AGAP1: variants seen among roughly 807,000 people sequenced by gnomAD.
AGAP1 encodes arf-GAP with GTPase, ANK repeat and PH domain-containing protein 1.
A neutral mutation model predicts 105.3 loss-of-function variants in AGAP1; 29 were observed. The ratio of observed to expected loss-of-function variants is 0.28; its 90% CI spans 0.21 to 0.38. The LOEUF (loss-of-function observed/expected upper bound fraction) is 0.38, where lower values mean the gene tolerates loss of function less well. AGAP1 is among the 10% of genes least tolerant of loss of function. The probability of loss-of-function intolerance (pLI) is 1.00; values close to 1 mark genes in which losing one functional copy is unlikely to be tolerated. For missense variants in AGAP1, 998 were observed against 1,165.1 expected, an observed-to-expected ratio of 0.86 and a Z score of 2.09; for synonymous variants, 509 against 485.9, an observed-to-expected ratio of 1.05 and a Z score of -0.63.
rs996383758 is a variant in AGAP1, at chr2:235,774,475, A to G, written c.674-23284A>G. 3 of 416,874 alleles carry G rather than the reference A, an allele frequency of 7.2e-6. No homozygotes were observed. The Middle Eastern group carries it at 1.1e-3, about 148-fold the overall frequency. 25.8% of individuals were successfully genotyped at this position (416,874 alleles called of 1,614,324 possible). On this transcript the variant is annotated intron_variant, in intron 6 of 17. Coordinates refer to ENST00000304032, the MANE Select transcript of AGAP1 (RefSeq NM_001037131.3). ...CAGCGTGGACTTGGGCAAGACCAGT[A>G]GGCTAATGGGAAAATAAGATTCCAA...
rs571569402 is a variant in AGAP1 at position 236,009,203 on chromosome 2, A to G, written c.1646-27358A>G. On this transcript the variant is annotated intron_variant, in intron 13 of 17. Coordinates refer to ENST00000304032, the MANE Select transcript of AGAP1 (RefSeq NM_001037131.3). This position sits in a 1 kb window ranked among gnomAD's most constrained non-coding sequence, Gnocchi z 4.2. ...AAGAAATCCACTGCCTTTTTATAAG[A>G]GAACAGAACATTTACACCGTCTTGT... Among the ~76,000 whole-genome samples the G allele has an allele frequency of 6.6e-6, 1 of 152,384 alleles. No homozygotes were observed. Among genetic ancestry groups the G allele is most frequent in the African/African-American group, 2.4e-5 (1 of 41,600 alleles).
At chr2:235,706,187 A>G (rs2696404) in intron 1 of AGAP1, among the ~76,000 whole-genome samples, 53,647 of 152,024 alleles carry the variant, frequency 0.35, 9,880 homozygotes, top group South Asian at 0.45. Flanking sequence ...AGCCTTGACA[A>G]GCATATGCAT....
rs1187312521 is a variant in AGAP1 at position 236,123,160 on chromosome 2, G to A, written c.2371-759G>A. On this transcript the variant is annotated intron_variant, in intron 17 of 17. Transcript: ENST00000304032. This position sits in a 1 kb window ranked among gnomAD's most constrained non-coding sequence, Gnocchi z 4.6. The stretch of plus-strand genomic sequence containing the variant: ...GTGATGTCGGCCCACGGCAGCCTCT[G>A]CCTCCTAGGCTCAAGCGATCCTCCC... 2.0e-5 allele frequency among the ~76,000 whole-genome samples: 3 copies of A among 152,114 alleles called. No homozygotes were observed. The highest frequency in any genetic ancestry group is 6.6e-5 in the Admixed American group (1 of 15,266).
At chr2:235,895,098 G>A (rs1271202909) in intron 10 of AGAP1, among the ~76,000 whole-genome samples, 3 of 152,198 alleles carry the variant, frequency 2.0e-5, no homozygotes, top group Non-Finnish European at 4.4e-5. Flanking sequence ...TCCCCTGAGT[G>A]TGCAGGCCTG....
rs970966870 is a variant in AGAP1 at position 235,787,226 on chromosome 2, T to C, written c.674-10533T>C. 2.0e-5 allele frequency among the ~76,000 whole-genome samples: 3 copies of C among 152,200 alleles called. No homozygotes were observed. Among genetic ancestry groups the C allele is most frequent in the African/African-American group, 7.2e-5 (3 of 41,450 alleles). On this transcript the variant is annotated intron_variant, in intron 6 of 17. Coordinates refer to ENST00000304032, the MANE Select transcript of AGAP1 (RefSeq NM_001037131.3). This position sits in a 1 kb window ranked among gnomAD's most constrained non-coding sequence, Gnocchi z 4.4. ...ACCCTTGGCTGCTGCTTCCAAACCA[T>C]GTGGGTTTCCTATGTCATGAAAGCT... is the stretch of plus-strand genomic sequence containing the variant.
rs191159128 is a variant in AGAP1, at chr2:235,559,596, C to T, written c.163+64747C>T. Among the ~76,000 whole-genome samples, 2 of 152,284 alleles carry T rather than the reference C, an allele frequency of 1.3e-5. No homozygotes were observed. Among genetic ancestry groups the T allele is most frequent in the East Asian group, 3.9e-4 (2 of 5,178 alleles). On this transcript the variant is annotated intron_variant, in intron 1 of 17. Coordinates refer to ENST00000304032, the MANE Select transcript of AGAP1 (RefSeq NM_001037131.3). The surrounding 1 kb of genome is among the most constrained non-coding windows in gnomAD (Gnocchi z 5.7). ...ATGATCCCTCATCCAGATCCCCAGA[C>T]GTGACCACTGTTATGTGGTTATATG...
At position 235,981,314 on chromosome 2, in the gene AGAP1, C is replaced by CT. The variant is rs1340297706; in HGVS notation, c.1645+12694dup. Among the ~76,000 whole-genome samples, 1 of 151,998 alleles carries CT rather than the reference C, an allele frequency of 6.6e-6. No individual in the cohort carries two copies. Among genetic ancestry groups the CT allele is most frequent in the Non-Finnish European group, 1.5e-5 (1 of 67,986 alleles). On this transcript the variant is annotated intron_variant, in intron 13 of 17. Coordinates refer to ENST00000304032, the MANE Select transcript of AGAP1 (RefSeq NM_001037131.3). This position sits in a 1 kb window ranked among gnomAD's most constrained non-coding sequence, Gnocchi z 5.5. ...CTTTGGCTTGATTATTCATTTGGGTCTTTCTTGCTTTCTTCAGGTAGGAAT... is the reference window on the plus strand; with the variant it reads ...CTTTGGCTTGATTATTCATTTGGGTCTTTTCTTGCTTTCTTCAGGTAGGAAT...
intron 6 of AGAP1, among the ~76,000 whole-genome samples, chr2:235,772,663 C>G (rs1955550727): frequency 6.6e-6 from 1 of 152,222 alleles, no homozygotes; most frequent in South Asian, 2.1e-4. Context: ...TGAAATGTGT[C>G]TGTAGCTTGG....
rs78828469 is a variant in AGAP1, at chr2:236,030,796, A to G, written c.1646-5765A>G. ...GAGAGCGACAGCACAAACTTCTTACACAGTAAACTCAGCGAAGTGTTAAAG... is the reference window on the plus strand; with the variant it reads ...GAGAGCGACAGCACAAACTTCTTACGCAGTAAACTCAGCGAAGTGTTAAAG... On this transcript the variant is annotated intron_variant, in intron 13 of 17. Coordinates refer to ENST00000304032, the MANE Select transcript of AGAP1 (RefSeq NM_001037131.3). Among the ~76,000 whole-genome samples the G allele has an allele frequency of 8.5e-5, 13 of 152,322 alleles. No individual in the cohort carries two copies. The East Asian group carries it at 1.9e-3, about 23-fold the overall frequency.
rs1946017682 is a variant in AGAP1, at chr2:235,608,363, G to A, written c.164-100816G>A. Among the ~76,000 whole-genome samples the A allele has an allele frequency of 6.6e-6, 1 of 152,214 alleles. No individual in the cohort carries two copies. Among genetic ancestry groups the A allele is most frequent in the Non-Finnish European group, 1.5e-5 (1 of 68,040 alleles). On this transcript the variant is annotated intron_variant, in intron 1 of 17. Transcript: ENST00000304032. The surrounding 1 kb of genome is among the most constrained non-coding windows in gnomAD (Gnocchi z 5.4). ...ATCTGGCTCTGGGAGGAAACTCGCTGATTGGAGACTAGCTGAGAGGGCTTG... is the reference window on the plus strand; with the variant it reads ...ATCTGGCTCTGGGAGGAAACTCGCTAATTGGAGACTAGCTGAGAGGGCTTG...
chr2:235,686,634 TA>T lies in AGAP1; in HGVS notation c.164-22544del, dbSNP rs1559350594. ...GTGGAGATATAGATATATATATATATATATATATATAGATATATATATATAT... is the reference window on the plus strand; with the variant it reads ...GTGGAGATATAGATATATATATATATTATATATATAGATATATATATATAT... On this transcript the variant is annotated intron_variant, in intron 1 of 17. Transcript: ENST00000304032. Among the ~76,000 whole-genome samples the T allele has an allele frequency of 1.4e-3, 74 of 51,892 alleles. 2 individuals are homozygous for T. Among genetic ancestry groups the T allele is most frequent in the South Asian group, 8.1e-3 (13 of 1,598 alleles). 34.0% of individuals were successfully genotyped at this position (51,892 alleles called of 152,430 possible).
chr2:236,026,124 C>A (rs1478780938), intron 13 of AGAP1, among the ~76,000 whole-genome samples: 1 of 152,228 alleles, frequency 6.6e-6, no homozygotes, highest in African/African-American at 2.4e-5. Context: ...GGCACCTGCA[C>A]CTGCACCTGT....
At chr2:236,007,043 G>A (rs1368644481) in intron 13 of AGAP1, among the ~76,000 whole-genome samples, 1 of 151,682 alleles carries the variant, frequency 6.6e-6, no homozygotes, top group Non-Finnish European at 1.5e-5. Context: ...TGAAGTTAAG[G>A]TCAAAGCAGT....
At position 235,824,299 on chromosome 2, in the gene AGAP1, A is replaced by G. The variant is rs920338739; in HGVS notation, c.1050+16968A>G. Among the ~76,000 whole-genome samples, 1 of 152,236 alleles carries G rather than the reference A, an allele frequency of 6.6e-6. No individual in the cohort carries two copies. The highest frequency in any genetic ancestry group is 1.5e-5 in the Non-Finnish European group (1 of 68,052). On this transcript the variant is annotated intron_variant, in intron 9 of 17. Transcript: ENST00000304032. This position sits in a 1 kb window ranked among gnomAD's most constrained non-coding sequence, Gnocchi z 5.2. The stretch of plus-strand genomic sequence containing the variant: ...GAAAGCAGTTGTTTGTAATTGGAGT[A>G]TCTGGGATTGACAGTGGCTTTAATT...
rs1420832618 is a variant in AGAP1 at position 235,882,868 on chromosome 2, G to A, written c.1051-477G>A. Among the ~76,000 whole-genome samples, 2 of 151,794 alleles carry A rather than the reference G, an allele frequency of 1.3e-5. No individual in the cohort carries two copies. Among genetic ancestry groups the A allele is most frequent in the Admixed American group, 6.6e-5 (1 of 15,216 alleles). ...CGCTTTGTCACCCAGGCTGGAGTAC[G>A]GTGGTACAATCATAGCTCACTGCCA... On this transcript the variant is annotated intron_variant, in intron 9 of 17. Transcript: ENST00000304032. This position sits in a 1 kb window ranked among gnomAD's most constrained non-coding sequence, Gnocchi z 4.6.
intron 9 of AGAP1, among the ~76,000 whole-genome samples, chr2:235,880,576 C>CAA (rs57466604): frequency 2.5e-3 from 354 of 142,360 alleles, no homozygotes; most frequent in African/African-American, 7.0e-3. Context: ...ACTAAAAATA[C>CAA]AAAAAAAAAA....
chr2:236,097,608 G>C (rs1357513586), intron 16 of AGAP1, among the ~76,000 whole-genome samples: 3 of 151,896 alleles, frequency 2.0e-5, no homozygotes, highest in Non-Finnish European at 4.4e-5. Context: ...GGCCAGGCTG[G>C]TCTCAGCCAG....
chr2:236,018,851 G>A (rs1391137064), intron 13 of AGAP1, among the ~76,000 whole-genome samples: 3 of 152,164 alleles, frequency 2.0e-5, no homozygotes, highest in African/African-American at 4.8e-5. Flanking sequence ...GGGTACTTCC[G>A]TTCACCACAG....
intron 8 of AGAP1, among the ~76,000 whole-genome samples, chr2:235,800,282 A>T (rs1376168269): frequency 4.8e-5 from 7 of 146,632 alleles, no homozygotes; most frequent in South Asian, 2.2e-4. Flanking sequence ...TTTTTTTTTT[A>T]AAGAAATGGG....
Sources: gnomAD v4.1 joint callset for allele counts (sites outside exome capture counted in the v4.1 genomes callset) on GRCh38, gnomAD v4.1.1 for gene constraint, Gnocchi (gnomAD v3.1) non-coding constraint, MANE v1.5 for transcripts, NCBI Gene and HGNC (gene_info 2026-07-23, HGNC 2026-07-21) for gene names.